NSMCE2: variants seen among roughly 807,000 people sequenced by gnomAD.
NSMCE2 encodes E3 SUMO-protein ligase NSE2.
NSMCE2 carries 24 observed loss-of-function variants against 23.8 expected under a neutral mutation model. That is an observed-to-expected ratio of 1.01 (90% CI 0.73 to 1.42). NSMCE2 has a LOEUF of 1.42. NSMCE2 is among the 40% of genes most tolerant of loss of function. The probability of loss-of-function intolerance (pLI) is 0.00; values close to 1 mark genes in which losing one functional copy is unlikely to be tolerated. For synonymous variants in NSMCE2, 92 were observed against 94.1 expected (o/e 0.98, Z 0.13); for missense variants, 284 against 296.5 (o/e 0.96, Z 0.31).
chr8:125,352,203 G>A (rs1036029609), intron 5 of NSMCE2, among the ~76,000 whole-genome samples: 1 of 152,084 alleles, frequency 6.6e-6, no homozygotes, highest in African/African-American at 2.4e-5. Context: ...ATTTGGGGCT[G>A]GGCGTGGTGG....
At chr8:125,213,707 CCCTT>C (rs376943652) in intron 5 of NSMCE2, among the ~76,000 whole-genome samples, 2 of 123,330 alleles carry the variant, frequency 1.6e-5, no homozygotes, top group East Asian at 4.5e-4. Context: ...TTCCCTCCCT[CCCTT>C]CCTTCCTTCC....
chr8:125,151,445 T>A, intron 4 of NSMCE2, 168 bp downstream of exon 4: 1 of 436,906 alleles, frequency 2.3e-6, no homozygotes, highest in Non-Finnish European at 4.1e-6. Context: ...GAATCCTAAG[T>A]ATTTTCCTGG....
intron 5 of NSMCE2, among the ~76,000 whole-genome samples, chr8:125,269,901 TTCAG>T (rs1827104459): frequency 6.6e-6 from 1 of 152,238 alleles, no homozygotes. Flanking sequence ...GAAGCCTTCA[TTCAG>T]TCAGTCATCC....
At chr8:125,364,305 C>A (rs77934160) in intron 7 of NSMCE2, among the ~76,000 whole-genome samples, 8,697 of 152,144 alleles carry the variant, frequency 0.057, 315 homozygotes, top group Non-Finnish European at 0.086. Flanking sequence ...TTGATTAATA[C>A]CCCTCTAATG....
chr8:125,340,174 C>A (rs1382517432), intron 5 of NSMCE2, among the ~76,000 whole-genome samples: 1 of 151,826 alleles, frequency 6.6e-6, no homozygotes, highest in Non-Finnish European at 1.5e-5. Context: ...GCCATCACGC[C>A]CGGCTAATTT....
intron 3 of NSMCE2, among the ~76,000 whole-genome samples, chr8:125,107,552 G>A (rs1818525780): frequency 6.6e-6 from 1 of 152,090 alleles, no homozygotes; most frequent in African/African-American, 2.4e-5. Flanking sequence ...TGGTAGAGAG[G>A]AATACAATGA....
chr8:125,125,332 G>A (rs1185942613), intron 3 of NSMCE2, among the ~76,000 whole-genome samples: 1 of 152,138 alleles, frequency 6.6e-6, no homozygotes, highest in Non-Finnish European at 1.5e-5. Context: ...GCCTTCTAAC[G>A]CCCTTTATTG....
intron 4 of NSMCE2, among the ~76,000 whole-genome samples, chr8:125,165,801 T>C (rs1395192930): frequency 6.6e-6 from 1 of 152,206 alleles, no homozygotes; most frequent in Non-Finnish European, 1.5e-5. Flanking sequence ...TTTCACTTAG[T>C]CAGAAAATCT....
At chr8:125,254,297 T>A (rs964625314) in intron 5 of NSMCE2, among the ~76,000 whole-genome samples, 4 of 152,222 alleles carry the variant, frequency 2.6e-5, no homozygotes, top group Non-Finnish European at 4.4e-5. Flanking sequence ...TGCATAGGAT[T>A]TGAGTCATTA....
chr8:125,286,375 C>G (rs1827900877), intron 5 of NSMCE2, among the ~76,000 whole-genome samples: 1 of 149,658 alleles, frequency 6.7e-6, no homozygotes, highest in Admixed American at 6.6e-5. Context: ...TGCAATGGTG[C>G]AGTCTCGGCT....
rs1431622277 is a variant in NSMCE2, at chr8:125,357,233, G to A, written c.433G>A (p.Asp145Asn). The A allele has an allele frequency of 6.2e-7, 1 of 1,612,226 alleles. No individual in the cohort carries two copies. The highest frequency in any genetic ancestry group is 8.5e-7 in the Non-Finnish European group (1 of 1,178,460). ...TTTTCCTCTAGGTGGTCTTCAAGCT[G>A]ACAGAGAAGCTGACGGAACAGAAGG... Reference protein sequence around the residue: ...ELKKQCGLQADREADGTEGVD... With the variant: ...ELKKQCGLQANREADGTEGVD... The change falls in exon 6 of 8, where the codon GAC (aspartate) becomes AAC (asparagine). Residue 145 changes from aspartate to asparagine, a missense_variant. Physicochemically the swap from Asp to Asn is conservative, Grantham distance 23. Coordinates refer to ENST00000287437, the MANE Select transcript of NSMCE2 (RefSeq NM_173685.4).
At chr8:125,152,616 T>C (rs1304372190) in intron 4 of NSMCE2, among the ~76,000 whole-genome samples, 2 of 152,224 alleles carry the variant, frequency 1.3e-5, no homozygotes, top group Admixed American at 1.3e-4. Flanking sequence ...AGCCTTTCTA[T>C]CTTTAACTTT....
chr8:125,190,514 G>T (rs1823298393), intron 5 of NSMCE2, among the ~76,000 whole-genome samples: 2 of 152,202 alleles, frequency 1.3e-5, no homozygotes, highest in East Asian at 3.9e-4. Flanking sequence ...TTTTAAAGTA[G>T]ATTTGGGGGA....
chr8:125,365,882 A>G (rs1813766571), intron 7 of NSMCE2, among the ~76,000 whole-genome samples: 1 of 152,122 alleles, frequency 6.6e-6, no homozygotes, highest in Admixed American at 6.6e-5. Flanking sequence ...ATTAAATTAA[A>G]TAAACTCCAA....
intron 3 of NSMCE2, among the ~76,000 whole-genome samples, chr8:125,120,049 A>G (rs1819193755): frequency 6.6e-6 from 1 of 152,218 alleles, no homozygotes; most frequent in Admixed American, 6.5e-5. Context: ...TTAAACAAAT[A>G]TGTCTAAAAT....
chr8:125,214,455 G>A (rs1367298186), intron 5 of NSMCE2, among the ~76,000 whole-genome samples: 1 of 152,134 alleles, frequency 6.6e-6, no homozygotes, highest in Non-Finnish European at 1.5e-5. Flanking sequence ...GGGGGCTCAC[G>A]GTCTCAACAA....
rs1586531065 is a variant in NSMCE2, at chr8:125,155,859, G to T, written c.264+4582G>T. 3 of 411,930 alleles carry T rather than the reference G, an allele frequency of 7.3e-6. No homozygotes were observed. The East Asian group carries it at 2.5e-4, about 35-fold the overall frequency. 25.5% of individuals were successfully genotyped at this position (411,930 alleles called of 1,614,324 possible). On this transcript the variant is annotated intron_variant, in intron 4 of 7. Coordinates refer to ENST00000287437, the MANE Select transcript of NSMCE2 (RefSeq NM_173685.4). ...TAACAAATCCAACCACTATCATGGGGGTAGTCCTTGCAATGTTTTTCTAAC... is the reference window on the plus strand; with the variant it reads ...TAACAAATCCAACCACTATCATGGGTGTAGTCCTTGCAATGTTTTTCTAAC...
chr8:125,249,194 G>A (rs1005345123), intron 5 of NSMCE2, among the ~76,000 whole-genome samples: 2 of 151,804 alleles, frequency 1.3e-5, no homozygotes, highest in Admixed American at 6.6e-5. Context: ...AATAGGCAGA[G>A]CCATGAGTGA....
Position 125,323,314 on chromosome 8 carries a change from T to C in NSMCE2, c.419-33905T>C, listed in dbSNP as rs140125396. ...ATTGACGAGATTATTCTGAAATTCC[T>C]ATAGAAACACAGAGGACATACAGCA... is the stretch of plus-strand genomic sequence containing the variant. On this transcript the variant is annotated intron_variant, in intron 5 of 7. Transcript: ENST00000287437. 2.0e-5 allele frequency among the ~76,000 whole-genome samples: 3 copies of C among 152,284 alleles called. No homozygotes were observed. The East Asian group carries it at 5.8e-4, about 29-fold the overall frequency.
Sources: allele counts gnomAD v4.1 joint callset (sites outside exome capture counted in the v4.1 genomes callset), GRCh38; gene constraint gnomAD v4.1.1; transcripts MANE v1.5; gene names NCBI Gene and HGNC (gene_info 2026-07-23, HGNC 2026-07-21).